Variants in C5orf24 observed in about 807,000 individuals in gnomAD.
C5orf24 encodes the protein UPF0461 protein C5orf24.
Under a neutral mutation model 9.8 loss-of-function variants are expected in C5orf24, and 4 were observed. The observed-to-expected ratio is 0.41, with a 90% CI of 0.20 to 0.93. The LOEUF is 0.93. C5orf24 is among the 40% of genes least tolerant of loss of function. C5orf24 has a pLI of 0.33. For synonymous variants in C5orf24, 73 were observed against 81.3 expected, an observed-to-expected ratio of 0.90 and a Z score of 0.55; for missense variants, 170 against 236.9, an observed-to-expected ratio of 0.72 and a Z score of 1.85.
chr5:134,854,301 G>T (rs1397301241), intron 1 of C5orf24, among the ~76,000 whole-genome samples: 1 of 152,154 alleles, frequency 6.6e-6, no homozygotes, highest in Non-Finnish European at 1.5e-5. Context: ...TAGCCAAAAG[G>T]CCAAGAAGCA....
In C5orf24 at chr5:134,855,010, C is replaced by G. The variant is rs1725322023; in HGVS notation, c.110C>G (p.Ser37Cys). 1 of 1,614,108 alleles carries G rather than the reference C, an allele frequency of 6.2e-7. No individual in the cohort carries two copies. The highest frequency in any genetic ancestry group is 8.5e-7 in the Non-Finnish European group (1 of 1,180,032). Reference sequence around the variant, plus strand: ...GCTGATCAGTTTGACATATATTCCTCCCAGCAAAGCAAATACAGCCACACA... The same window carrying G: ...GCTGATCAGTTTGACATATATTCCTGCCAGCAAAGCAAATACAGCCACACA... Reference protein sequence around the residue: ...RAADQFDIYSSQQSKYSHTVN... With the variant: ...RAADQFDIYSCQQSKYSHTVN... The change falls in exon 2 of 2, where the codon TCC (serine) becomes TGC (cysteine). Residue 37 changes from serine (S) to cysteine (C), a missense_variant. Coordinates refer to ENST00000394976, the MANE Select transcript of C5orf24 (RefSeq NM_001135586.1).
chr5:134,850,126 A>G (rs981082207), intron 1 of C5orf24, among the ~76,000 whole-genome samples: 2 of 152,156 alleles, frequency 1.3e-5, no homozygotes, highest in African/African-American at 4.8e-5. Flanking sequence ...TATTGAAGGA[A>G]TGAAGAAATG....
upstream of C5orf24, among the ~76,000 whole-genome samples, chr5:134,842,886 C>T (rs1245741804): frequency 6.6e-6 from 1 of 152,198 alleles, no homozygotes; most frequent in Non-Finnish European, 1.5e-5. Flanking sequence ...TCCACCAATT[C>T]ATGTCTGGCA....
chr5:134,838,413 G>A, the C5orf24 span, among the ~76,000 whole-genome samples: 2 of 152,334 alleles, frequency 1.3e-5, no homozygotes, highest in South Asian at 2.1e-4. Context: ...GCTCACGCCT[G>A]TAATCCCAGC....
In C5orf24 at chr5:134,855,058, G is replaced by A; in HGVS notation, c.158G>A (p.Cys53Tyr). ...SHTVNHKPMV[C>Y]QRQDPLNETH... ...ACAGTCAACCACAAACCAATGGTTT[G>A]TCAGAGGCAAGACCCATTAAATGAA... The change falls in exon 2 of 2, where the codon TGT (cysteine) becomes TAT (tyrosine). Residue 53 changes from cysteine to tyrosine, a missense_variant. This residue lies in a region of C5orf24 where 93 missense variants were observed against 104.5 expected (regional missense o/e 0.89). Coordinates refer to ENST00000394976, the MANE Select transcript of C5orf24 (RefSeq NM_001135586.1). 2 of 1,614,126 alleles carry A rather than the reference G, an allele frequency of 1.2e-6. No individual in the cohort carries two copies. Among genetic ancestry groups the A allele is most frequent in the Non-Finnish European group, 1.7e-6 (2 of 1,180,024 alleles).
the C5orf24 span, among the ~76,000 whole-genome samples, chr5:134,837,762 G>GA: frequency 1.3e-5 from 2 of 151,858 alleles, no homozygotes; most frequent in African/African-American, 4.8e-5. Context: ...CCAGCTTCCA[G>GA]AGATAAAATT....
In C5orf24 at chr5:134,856,968, A is replaced by G; in HGVS notation, c.*1501A>G. ...GGTCCAGTGAGACCATCTCATCCAA[A>G]AGATTTTTTTTCCCCCAATGATGTT... On this transcript the variant is annotated 3_prime_UTR_variant, in exon 2 of 2. Transcript: ENST00000394976. The G allele has an allele frequency of 5.0e-6, 5 of 1,005,458 alleles. No individual in the cohort carries two copies. Among genetic ancestry groups the G allele is most frequent in the Non-Finnish European group, 6.0e-6 (5 of 833,658 alleles). 62.3% of individuals were successfully genotyped at this position (1,005,458 alleles called of 1,614,324 possible).
At chr5:134,836,810 G>A in the C5orf24 span, among the ~76,000 whole-genome samples, 2 of 152,016 alleles carry the variant, frequency 1.3e-5, no homozygotes, top group South Asian at 2.1e-4. Context: ...CCAAAGTGCT[G>A]GGATTGCGGG....
At chr5:134,835,985 A>AT in the C5orf24 span, among the ~76,000 whole-genome samples, 36 of 150,698 alleles carry the variant, frequency 2.4e-4, no homozygotes, top group South Asian at 2.1e-3. Context: ...CCGCACCTGG[A>AT]TTTTTTTTTC....
chr5:134,841,371 C>T (rs1755891124), upstream of C5orf24, among the ~76,000 whole-genome samples: 1 of 151,926 alleles, frequency 6.6e-6, no homozygotes, highest in Non-Finnish European at 1.5e-5. Context: ...GGGCAGATCA[C>T]CTGAGGCCAG....
At chr5:134,834,853 T>C in the C5orf24 span, among the ~76,000 whole-genome samples, 1 of 151,986 alleles carries the variant, frequency 6.6e-6, no homozygotes, top group East Asian at 1.9e-4. Flanking sequence ...GAGACCAGCC[T>C]GGCCAATATA....
Position 134,855,764 on chromosome 5 carries a change from C to A in C5orf24, c.*297C>A, listed in dbSNP as rs187459204. ...GTTTCATTACTACTTTGGGGCTGTT[C>A]TAAATAGATGCTTTATGTGATAAAC... On this transcript the variant is annotated 3_prime_UTR_variant, in exon 2 of 2. Transcript: ENST00000394976. 1.4e-5 allele frequency: 18 copies of A among 1,252,158 alleles called. No homozygotes were observed. The highest frequency in any genetic ancestry group is 1.3e-4 in the Admixed American group (3 of 23,514). 77.6% of individuals were successfully genotyped at this position (1,252,158 alleles called of 1,614,324 possible).
At chr5:134,844,973 T>G (rs1196752601), upstream of C5orf24, among the ~76,000 whole-genome samples, 1 of 152,102 alleles carries the variant, frequency 6.6e-6, no homozygotes, top group Admixed American at 6.6e-5. Context: ...CCTGACCTCG[T>G]GATCTGCCCG....
chr5:134,854,556 T>G (rs1427446807), intron 1 of C5orf24, among the ~76,000 whole-genome samples: 2 of 152,236 alleles, frequency 1.3e-5, no homozygotes, highest in Non-Finnish European at 2.9e-5. Flanking sequence ...TATTATTCTT[T>G]TGAGGTTTAG....
chr5:134,847,731 G>A (rs1013371874), intron 1 of C5orf24, among the ~76,000 whole-genome samples: 2 of 145,742 alleles, frequency 1.4e-5, no homozygotes, highest in Non-Finnish European at 3.0e-5. Flanking sequence ...TCCTGAGATG[G>A]AGTCTGTTTC....
chr5:134,849,486 T>A (rs957433227), intron 1 of C5orf24, among the ~76,000 whole-genome samples: 1 of 152,124 alleles, frequency 6.6e-6, no homozygotes, highest in Non-Finnish European at 1.5e-5. Context: ...CTGTTTGCGT[T>A]TTTAAAGTTA....
At chr5:134,850,893 G>T (rs1756137947) in intron 1 of C5orf24, among the ~76,000 whole-genome samples, 1 of 149,592 alleles carries the variant, frequency 6.7e-6, no homozygotes, top group Non-Finnish European at 1.5e-5. Flanking sequence ...TGTATATCCT[G>T]AGTTCTCTGA....
chr5:134,857,008 G>T lies in C5orf24; in HGVS notation c.*1541G>T. ...CCAATGATGTTTGCTTTAGAAGCAA[G>T]ATAGAAAGGAAAAAAAGTATTAGGT... On this transcript the variant is annotated 3_prime_UTR_variant, in exon 2 of 2. Transcript: ENST00000394976. The T allele has an allele frequency of 9.9e-7, 1 of 1,014,166 alleles. No individual in the cohort carries two copies. The allele number at this position is 1,014,166 out of a possible 1,614,324, so 62.8% of individuals were successfully genotyped here.
chr5:134,834,621 G>A, the C5orf24 span, among the ~76,000 whole-genome samples: 15 of 152,252 alleles, frequency 9.9e-5, 1 homozygote, highest in South Asian at 3.1e-3. Flanking sequence ...TTTTGCTCCT[G>A]AAAATGTGTC....
Sources: allele counts gnomAD v4.1 joint callset (sites outside exome capture counted in the v4.1 genomes callset), GRCh38; gene constraint gnomAD v4.1.1; regional missense constraint gnomAD v4.1.1; transcripts MANE v1.5; gene names NCBI Gene and HGNC (gene_info 2026-07-23, HGNC 2026-07-21).